MAP3K13: variants seen among roughly 807,000 people sequenced by gnomAD.
MAP3K13 encodes mitogen-activated protein kinase kinase kinase 13.
MAP3K13 carries 52 observed loss-of-function variants against 104.0 expected under a neutral mutation model. The ratio of observed to expected loss-of-function variants is 0.50; its 90% CI spans 0.40 to 0.63. MAP3K13 has a LOEUF of 0.63. Among genes scored for constraint, MAP3K13 ranks in the 20% least tolerant of loss-of-function variants. MAP3K13 has a pLI of 0.00. For synonymous variants in MAP3K13, 394 were observed against 442.2 expected (o/e 0.89, Z 1.37); for missense variants, 914 against 1,218.5 (o/e 0.75, Z 3.72).
At chr3:185,416,715 A>G (rs766676044) in intron 1 of MAP3K13, among the ~76,000 whole-genome samples, 2 of 151,616 alleles carry the variant, frequency 1.3e-5, no homozygotes, top group Non-Finnish European at 2.9e-5. Flanking sequence ...TGCAGCTTAG[A>G]CCCTCTGGGC....
intron 2 of MAP3K13, among the ~76,000 whole-genome samples, chr3:185,322,997 T>C (rs1017431649): frequency 6.6e-6 from 1 of 152,198 alleles, no homozygotes; most frequent in Non-Finnish European, 1.5e-5. Flanking sequence ...CTCCAAGCCA[T>C]TTTCACTATA....
intron 2 of MAP3K13, among the ~76,000 whole-genome samples, chr3:185,319,560 G>GCT (rs1721788616): frequency 1.3e-5 from 2 of 152,248 alleles, no homozygotes; most frequent in Non-Finnish European, 2.9e-5. Context: ...CAGTTGGGAA[G>GCT]CTCTGCTAGT....
chr3:185,341,579 G>T (rs539096439), intron 2 of MAP3K13, among the ~76,000 whole-genome samples: 13 of 152,326 alleles, frequency 8.5e-5, no homozygotes, highest in African/African-American at 3.1e-4. Flanking sequence ...TAAGCCTGTG[G>T]TAGTGATTTT....
chr3:185,347,176 G>A (rs530295283), intron 2 of MAP3K13, among the ~76,000 whole-genome samples: 34 of 151,850 alleles, frequency 2.2e-4, no homozygotes, highest in African/African-American at 7.0e-4. Context: ...TAGTAGAGAC[G>A]GGGTTTCACC....
At chr3:185,307,424 C>T (rs985832800) in intron 2 of MAP3K13, among the ~76,000 whole-genome samples, 3 of 151,632 alleles carry the variant, frequency 2.0e-5, no homozygotes, top group Non-Finnish European at 2.9e-5. Flanking sequence ...CTGGATAATT[C>T]TTAATGGGTT....
intron 2 of MAP3K13, among the ~76,000 whole-genome samples, chr3:185,307,620 T>C (rs1374236260): frequency 7.8e-6 from 1 of 128,630 alleles, no homozygotes; most frequent in Non-Finnish European, 1.6e-5. Context: ...CTCGGCTCCC[T>C]GCAACCTCCG....
At chr3:185,454,976 TGATATATATGA>T (rs1401175105) in intron 7 of MAP3K13, among the ~76,000 whole-genome samples, 1 of 55,252 alleles carries the variant, frequency 1.8e-5, no homozygotes, top group Non-Finnish European at 4.0e-5. Flanking sequence ...GATATATATA[TGATATATATGA>T]GATATATATG....
At chr3:185,338,327 CAAAAAAAAAA>C (rs72043151) in intron 2 of MAP3K13, among the ~76,000 whole-genome samples, 6 of 54,712 alleles carry the variant, frequency 1.1e-4, no homozygotes, top group Non-Finnish European at 2.4e-4. Context: ...GAGACTCTCT[CAAAAAAAAAA>C]AAAAAAAAAA....
chr3:185,455,727 T>G (rs370718351), intron 7 of MAP3K13, among the ~76,000 whole-genome samples: 19 of 10,848 alleles, frequency 1.8e-3, no homozygotes, highest in Non-Finnish European at 2.6e-3. Context: ...ATATATATGA[T>G]ATATATATGA....
At chr3:185,451,590 C>T in intron 7 of MAP3K13, 195 bp downstream of exon 7, 1 of 442,452 alleles carries the variant, frequency 2.3e-6, no homozygotes, top group Non-Finnish European at 4.0e-6. Flanking sequence ...ATTATTAACT[C>T]ATTTGAAAAA....
At chr3:185,449,279 A>G (rs1190664589) in intron 5 of MAP3K13, among the ~76,000 whole-genome samples, 2 of 151,602 alleles carry the variant, frequency 1.3e-5, no homozygotes, top group Non-Finnish European at 2.9e-5. Flanking sequence ...AGGCTCAGGC[A>G]GCAGAATCGC....
intron 1 of MAP3K13, among the ~76,000 whole-genome samples, chr3:185,387,734 A>G (rs559316260): frequency 4.6e-5 from 7 of 152,274 alleles, no homozygotes; most frequent in African/African-American, 1.4e-4. Flanking sequence ...GGGAAAGGTG[A>G]AAGCCTTTCC....
At chr3:185,305,168 G>T (rs1475658635) in intron 2 of MAP3K13, among the ~76,000 whole-genome samples, 3 of 152,086 alleles carry the variant, frequency 2.0e-5, no homozygotes, top group Admixed American at 6.5e-5. Context: ...TATATGTCTC[G>T]TAGTTCTTTT....
rs75748644 is a variant in MAP3K13 at position 185,291,895 on chromosome 3, G to C, written c.-86+6252G>C. 7.0e-3 allele frequency: 7,456 copies of C among 1,065,854 alleles called. 39 individuals are homozygous for C. The highest frequency in any genetic ancestry group is 0.035 in the Admixed American group (600 of 16,918). 66.0% of individuals were successfully genotyped at this position (1,065,854 alleles called of 1,614,324 possible). ...CCTTTAGACTAGAGCCAAGGAGACAGTGCTTTCCAAAAAAAAAAAAAAAAA... is the reference window on the plus strand; with the variant it reads ...CCTTTAGACTAGAGCCAAGGAGACACTGCTTTCCAAAAAAAAAAAAAAAAA... On this transcript the variant is annotated intron_variant, in intron 2 of 14. Transcript: ENST00000424227.
intron 1 of MAP3K13, 37 bp downstream of exon 1, chr3:185,363,405 A>G (rs941125243): frequency 2.7e-5 from 25 of 931,274 alleles, no homozygotes; most frequent in Non-Finnish European, 2.4e-5. Context: ...TTTCTTCAGT[A>G]TTTATTTCAC....
chr3:185,379,553 G>C (rs11707754), intron 1 of MAP3K13, among the ~76,000 whole-genome samples: 1 of 151,902 alleles, frequency 6.6e-6, no homozygotes, highest in South Asian at 2.1e-4. Context: ...TGAGGACAGG[G>C]GACTGGTCTC....
At chr3:185,447,473 G>A (rs537408393) in intron 4 of MAP3K13, among the ~76,000 whole-genome samples, 6 of 136,280 alleles carry the variant, frequency 4.4e-5, no homozygotes, top group African/African-American at 1.1e-4. Flanking sequence ...CAGCCTGGGC[G>A]GCAAGAGTGA....
chr3:185,472,976 C>T lies in MAP3K13; in HGVS notation c.1645C>T (p.Pro549Ser). The T allele has an allele frequency of 6.2e-7, 1 of 1,612,626 alleles. No homozygotes were observed. The highest frequency in any genetic ancestry group is 1.7e-5 in the Admixed American group (1 of 59,906). Reference protein sequence around the residue: ...PHKSGMQTKRPDLLRSEGIPT... With the variant: ...PHKSGMQTKRSDLLRSEGIPT... ...ATTAAACCTGTTCTTTCCTCCCAGG[C>T]CAGACTTGTTGAGATCAGAAGGGAT... The change falls in exon 11 of 14, where the codon CCA (proline) becomes TCA (serine). Residue 549 changes from proline to serine, a missense_variant and splice_region_variant. Pro to Ser is a moderately conservative substitution (Grantham distance 74). Coordinates refer to ENST00000265026, the MANE Select transcript of MAP3K13 (RefSeq NM_004721.5).
At chr3:185,283,602 G>A (rs1034700719) in intron 1 of MAP3K13, among the ~76,000 whole-genome samples, 2 of 152,098 alleles carry the variant, frequency 1.3e-5, no homozygotes, top group African/African-American at 4.8e-5. Context: ...GCTAACCAGG[G>A]GTTTATGAGG....
Sources: gnomAD v4.1 joint callset for allele counts (sites outside exome capture counted in the v4.1 genomes callset) on GRCh38, gnomAD v4.1.1 for gene constraint, MANE v1.5 for transcripts, NCBI Gene and HGNC (gene_info 2026-07-23, HGNC 2026-07-21) for gene names.